The following TUBB8 variants were observed in gnomAD, a reference collection of about 807,000 sequenced individuals.
TUBB8 encodes tubulin beta-8 chain.
TUBB8 carries 25 observed loss-of-function variants against 33.7 expected under a neutral mutation model. The ratio of observed to expected loss-of-function variants is 0.74; its 90% CI spans 0.54 to 1.04. The LOEUF (loss-of-function observed/expected upper bound fraction) is 1.04. Among genes scored for constraint, TUBB8 ranks in the 50% least tolerant of loss-of-function variants. The probability of loss-of-function intolerance (pLI) is 0.00; values close to 1 mark genes in which losing one functional copy is unlikely to be tolerated. For missense variants in TUBB8, 279 were observed against 608.0 expected, an observed-to-expected ratio of 0.46 and a Z score of 5.69; for synonymous variants, 245 against 240.1, an observed-to-expected ratio of 1.02 and a Z score of -0.19.
chr10:66,404 T>C (rs142460639), intron 1 of TUBB8, among the ~76,000 whole-genome samples: 15,519 of 116,742 alleles, frequency 0.13, no homozygotes, highest in African/African-American at 0.26. Context: ...ATACCAGCAC[T>C]TTGAGATGCT....
chr10:72,221 G>A (rs1353509318), intron 1 of TUBB8, among the ~76,000 whole-genome samples: 2 of 146,370 alleles, frequency 1.4e-5, no homozygotes, highest in African/African-American at 5.0e-5. Flanking sequence ...GCTAAACTCT[G>A]TCTCAAAAAA....
In TUBB8 at chr10:48,742, G is replaced by A. The variant is rs1467686879; in HGVS notation, c.167-17C>T. ...ACCTGCCACCTGCGTGGGGCGGGAGGGCATGAGCGAGGGGAGGGCCGCGTT... is the reference window on the plus strand; with the variant it reads ...ACCTGCCACCTGCGTGGGGCGGGAGAGCATGAGCGAGGGGAGGGCCGCGTT... On this transcript the variant is annotated splice_polypyrimidine_tract_variant and intron_variant, in intron 2 of 3. Coordinates refer to ENST00000568584, the MANE Select transcript of TUBB8 (RefSeq NM_177987.3). 8 of 1,606,568 alleles carry A rather than the reference G, an allele frequency of 5.0e-6. No individual in the cohort carries two copies. In the African/African-American group the frequency reaches 5.3e-5, roughly 11 times the overall value.
At chr10:71,558 T>C (rs9419458) in intron 1 of TUBB8, among the ~76,000 whole-genome samples, 4,875 of 145,246 alleles carry the variant, frequency 0.034, 243 homozygotes, top group African/African-American at 0.12. Flanking sequence ...GAGTCAGAGG[T>C]TGCAGTGAGC....
intron 1 of TUBB8, among the ~76,000 whole-genome samples, chr10:67,235 T>C (rs1178402638): frequency 7.9e-5 from 12 of 152,026 alleles, no homozygotes; most frequent in Non-Finnish European, 1.2e-4. Context: ...TGTTGATTTC[T>C]GCCAAAAGGA....
rs1215025799 is a variant in TUBB8 at position 47,917 on chromosome 10, A to C, written c.475T>G (p.Tyr159Asp). The stretch of plus-strand genomic sequence containing the variant: ...AATGTGTTTATGATCCTGTCTGGGT[A>C]CTCCTCCCGGATCTTACTGAGCAGA... ...TLLLSKIREE[Y>D]PDRIINTFSI... The change falls in exon 4 of 4, where the codon TAC becomes GAC. Residue 159 changes from tyrosine to aspartate, a missense_variant. By Grantham distance (160) the Tyr-to-Asp change is radical. This residue lies in a region of TUBB8 where 96 missense variants were observed against 233.7 expected (regional missense o/e 0.41). Transcript: ENST00000568584. 1 of 1,613,960 alleles carries C rather than the reference A, an allele frequency of 6.2e-7. No homozygotes were observed. Among genetic ancestry groups the C allele is most frequent in the Non-Finnish European group, 8.5e-7 (1 of 1,180,026 alleles).
At chr10:74,625 C>CAAAAAAA (rs35723619), upstream of TUBB8, among the ~76,000 whole-genome samples, 33 of 89,670 alleles carry the variant, frequency 3.7e-4, no homozygotes, top group African/African-American at 6.7e-4. Flanking sequence ...GACTCAGTAT[C>CAAAAAAA]AAAAAAAAAA....
chr10:52,214 G>T (rs1554739667), upstream of TUBB8, among the ~76,000 whole-genome samples: 2 of 152,154 alleles, frequency 1.3e-5, no homozygotes, highest in Non-Finnish European at 2.9e-5. Context: ...GTAATAGTGG[G>T]TAATCATTCT....
intron 1 of TUBB8, among the ~76,000 whole-genome samples, chr10:67,972 T>C (rs782478044): frequency 4.6e-5 from 7 of 152,210 alleles, no homozygotes; most frequent in Non-Finnish European, 1.0e-4. Flanking sequence ...TGTCTGGCTA[T>C]GGTGCCCGGC....
At chr10:65,310 G>A (rs1333206175) in intron 1 of TUBB8, among the ~76,000 whole-genome samples, 5 of 152,244 alleles carry the variant, frequency 3.3e-5, no homozygotes, top group Non-Finnish European at 4.4e-5. Context: ...CACTTAATAC[G>A]CTAAATAGTA....
chr10:49,141 C>T lies in TUBB8; in HGVS notation c.57+41G>A, dbSNP rs782714133. 7.8e-6 allele frequency: 12 copies of T among 1,546,396 alleles called. No individual in the cohort carries two copies. In the African/African-American group the frequency reaches 9.6e-5, roughly 12 times the overall value. On this transcript the variant is annotated intron_variant, in intron 1 of 3. Coordinates refer to ENST00000568584, the MANE Select transcript of TUBB8 (RefSeq NM_177987.3). Reference sequence around the variant, plus strand: ...ACTGCCAACACCTTCCCCGGCCACCCGGCAGGCCCGGGCTAGGCCCTCAGA... The same window carrying T: ...ACTGCCAACACCTTCCCCGGCCACCTGGCAGGCCCGGGCTAGGCCCTCAGA...
chr10:75,652 C>G (rs1554743086), upstream of TUBB8, among the ~76,000 whole-genome samples: 1 of 102,342 alleles, frequency 9.8e-6, no homozygotes, highest in Non-Finnish European at 2.1e-5. Flanking sequence ...AAGACTCTGT[C>G]TCAAAAAAAA....
chr10:64,071 C>CTCTT, intron 1 of TUBB8, among the ~76,000 whole-genome samples: 1 of 152,242 alleles, frequency 6.6e-6, no homozygotes, highest in South Asian at 2.1e-4. Context: ...AGATCTTGTT[C>CTCTT]TCTTCCCTTT....
At chr10:74,917 C>T (rs1443371205), upstream of TUBB8, among the ~76,000 whole-genome samples, 2 of 146,156 alleles carry the variant, frequency 1.4e-5, no homozygotes, top group East Asian at 4.2e-4. Flanking sequence ...TCTTATTGCC[C>T]AGGCTGGAGT....
chr10:58,420 A>G (rs1489482631), intron 1 of TUBB8, among the ~76,000 whole-genome samples: 5 of 152,224 alleles, frequency 3.3e-5, no homozygotes, highest in African/African-American at 1.2e-4. Context: ...TTTCTGTATT[A>G]AGCTTTTTCC....
chr10:65,881 A>T (rs1351363304), intron 1 of TUBB8, among the ~76,000 whole-genome samples: 15 of 152,280 alleles, frequency 9.9e-5, no homozygotes, highest in African/African-American at 2.9e-4. Context: ...GCAAAGGAAC[A>T]TCAAATAAAC....
chr10:46,814 C>T (rs1351224739), downstream of TUBB8: 2 of 431,778 alleles, frequency 4.6e-6, no homozygotes, highest in Admixed American at 7.7e-5. Flanking sequence ...CAGACAGCTT[C>T]CGCCTTGCAG....
chr10:70,276 G>A (rs141476391), intron 1 of TUBB8, among the ~76,000 whole-genome samples: 1 of 151,376 alleles, frequency 6.6e-6, no homozygotes, highest in African/African-American at 2.4e-5. Context: ...TTTTGTTTTT[G>A]TTTTTTTATT....
Position 49,259 on chromosome 10 carries a change from G to C in TUBB8, c.-21C>G, listed in dbSNP as rs547105830. 4.5e-6 allele frequency: 7 copies of C among 1,570,994 alleles called. No homozygotes were observed. The highest frequency in any genetic ancestry group is 4.3e-6 in the Non-Finnish European group (5 of 1,159,672). On this transcript the variant is annotated 5_prime_UTR_variant, in exon 1 of 4. Transcript: ENST00000568584. ...CTCATGGCCAAGGCGGGATTAGGACGGCAGGAGAAACGTGAGAAGGAGGAG... is the reference window on the plus strand; with the variant it reads ...CTCATGGCCAAGGCGGGATTAGGACCGCAGGAGAAACGTGAGAAGGAGGAG...
intron 3 of TUBB8, 172 bp downstream of exon 3, chr10:48,443 C>T: frequency 5.7e-6 from 4 of 695,836 alleles, no homozygotes; most frequent in East Asian, 2.7e-5. Flanking sequence ...GACACCAGGG[C>T]CTTCCTCCCG....
Sources: allele counts gnomAD v4.1 joint callset (sites outside exome capture counted in the v4.1 genomes callset), GRCh38; gene constraint gnomAD v4.1.1; regional missense constraint gnomAD v4.1.1; transcripts MANE v1.5; gene names NCBI Gene and HGNC (gene_info 2026-07-23, HGNC 2026-07-21).